SMG7: variants seen among roughly 807,000 people sequenced by gnomAD.
SMG7 encodes the protein nonsense-mediated mRNA decay factor SMG7.
SMG7 carries 34 observed loss-of-function variants against 148.2 expected under a neutral mutation model. That is an observed-to-expected ratio of 0.23 (90% confidence interval 0.17 to 0.31). The LOEUF (loss-of-function observed/expected upper bound fraction) is 0.31. Ranked by LOEUF, SMG7 falls within the 10% of genes least tolerant of loss-of-function variation. The pLI is 1.00. For synonymous variants in SMG7, 492 were observed against 515.1 expected, an observed-to-expected ratio of 0.96 and a Z score of 0.61; for missense variants, 1,114 against 1,408.4, an observed-to-expected ratio of 0.79 and a Z score of 3.35.
chr1:183,502,397 A>C, intron 1 of SMG7: 1 of 1,530,924 alleles, frequency 6.5e-7, no homozygotes, highest in Non-Finnish European at 8.7e-7. Context: ...ATTAGGTAGG[A>C]TGAAAATTAC....
rs78156767 is a variant in SMG7, at chr1:183,531,212, T to G, written c.843+1679T>G. Among the ~76,000 whole-genome samples, 583 of 152,244 alleles carry G rather than the reference T, an allele frequency of 3.8e-3. 2 individuals are homozygous for G. Among genetic ancestry groups the G allele is most frequent in the African/African-American group, 0.013 (551 of 41,568 alleles). ...TAATTAGTATCATCAACATGTATAC[T>G]TCAGTGTTTCTAACAACCTTTAGCT... On this transcript the variant is annotated intron_variant, in intron 8 of 22. Transcript: ENST00000688051.
intron 1 of SMG7, among the ~76,000 whole-genome samples, chr1:183,504,574 C>T (rs544612931): frequency 1.2e-4 from 18 of 152,054 alleles, no homozygotes; most frequent in Middle Eastern, 3.4e-3. Context: ...CCTGACCTCC[C>T]GTGATCTGCC....
chr1:183,545,428 AT>A, intron 16 of SMG7, 116 bp downstream of exon 16: 1 of 1,202,808 alleles, frequency 8.3e-7, no homozygotes. Context: ...ATTTATAGTG[AT>A]TATGGGAAAA....
At chr1:183,502,520 T>G (rs1191614749) in intron 1 of SMG7, 1 of 639,978 alleles carries the variant, frequency 1.6e-6, no homozygotes, top group Non-Finnish European at 2.4e-6. Context: ...AAGATCGGGA[T>G]GGGGCATGCT....
chr1:183,531,601 G>T (rs946807674), intron 8 of SMG7, among the ~76,000 whole-genome samples: 2 of 152,252 alleles, frequency 1.3e-5, no homozygotes, highest in Admixed American at 1.3e-4. Flanking sequence ...ACATGACAAA[G>T]TCTGGACCTT....
intron 8 of SMG7, among the ~76,000 whole-genome samples, chr1:183,530,105 A>G (rs1666595000): frequency 6.6e-6 from 1 of 152,210 alleles, no homozygotes; most frequent in African/African-American, 2.4e-5. Flanking sequence ...GAGAAAGTCA[A>G]AAGTATTAAC....
intron 12 of SMG7, among the ~76,000 whole-genome samples, chr1:183,540,255 A>G (rs551128467): frequency 3.3e-4 from 51 of 152,288 alleles, no homozygotes; most frequent in African/African-American, 1.2e-3. Flanking sequence ...AGAGCTTCTC[A>G]GAAGGAACTC....
chr1:183,539,248 A>G (rs1481753749), intron 12 of SMG7, among the ~76,000 whole-genome samples: 1 of 152,100 alleles, frequency 6.6e-6, no homozygotes, highest in African/African-American at 2.4e-5. Context: ...TGCCTTCTAG[A>G]TACCAAAATC....
chr1:183,546,704 G>A (rs561581565), intron 17 of SMG7, among the ~76,000 whole-genome samples: 2 of 152,324 alleles, frequency 1.3e-5, no homozygotes, highest in East Asian at 3.9e-4. Flanking sequence ...AGAGGAACAA[G>A]GTTAGCCAGT....
chr1:183,503,135 G>T (rs1314496309), intron 1 of SMG7, among the ~76,000 whole-genome samples: 1 of 152,214 alleles, frequency 6.6e-6, no homozygotes, highest in African/African-American at 2.4e-5. Flanking sequence ...ACCACTCTGT[G>T]CATCTATTCC....
intron 22 of SMG7, 78 bp from the exon 23 acceptor site, chr1:183,551,740 A>G: frequency 1.7e-6 from 2 of 1,162,462 alleles, no homozygotes; most frequent in Admixed American, 2.6e-5. Context: ...ATGCCTTTAT[A>G]TTTGGCTGGG....
At chr1:183,528,173 T>G (rs1239603789) in intron 6 of SMG7, 146 bp downstream of exon 6, 6 of 451,210 alleles carry the variant, frequency 1.3e-5, no homozygotes, top group Non-Finnish European at 1.9e-5. Context: ...AACTGTACAT[T>G]CCATGTAAAC....
chr1:183,472,923 T>G, intron 1 of SMG7: 84 of 325,002 alleles, frequency 2.6e-4, no homozygotes, highest in Middle Eastern at 8.6e-4. Context: ...CGCGCGCCCT[T>G]GGTCTCGGGT....
chr1:183,551,120 C>T lies in SMG7; in HGVS notation c.3380C>T (p.Pro1127Leu), dbSNP rs1389153416. The T allele has an allele frequency of 2.5e-6, 4 of 1,609,562 alleles. No homozygotes were observed. The highest frequency in any genetic ancestry group is 1.3e-5 in the African/African-American group (1 of 74,558). ...SESSWHQAST[P>L]SGTWTGHGPS... is the part of the protein sequence containing the mutation. ...AGCAGTTGGCATCAGGCCAGCACTC[C>T]GAGTGGCACCTGGACAGGCCATGGC... Residue 1127 changes from proline (P) to leucine (L), a missense_variant, in exon 22 of 23, where the codon CCG becomes CTG. Physicochemically the swap from Pro to Leu is moderately conservative, Grantham distance 98. Coordinates refer to ENST00000688051, the MANE Select transcript of SMG7 (RefSeq NM_001375584.1).
At chr1:183,544,261 AG>A in intron 14 of SMG7, 91 bp from the exon 15 acceptor site, 1 of 918,726 alleles carries the variant, frequency 1.1e-6, no homozygotes, top group Non-Finnish European at 1.7e-6. Context: ...TGATCTAATG[AG>A]GTTTTAAATA....
At chr1:183,485,346 A>C (rs1159693490) in intron 1 of SMG7, among the ~76,000 whole-genome samples, 1 of 152,226 alleles carries the variant, frequency 6.6e-6, no homozygotes, top group Non-Finnish European at 1.5e-5. Context: ...CATCAGTGTC[A>C]ACCTTCCTAA....
chr1:183,521,876 A>G (rs1032361566), intron 4 of SMG7, among the ~76,000 whole-genome samples: 34 of 145,008 alleles, frequency 2.3e-4, no homozygotes, highest in Non-Finnish European at 4.8e-4. Flanking sequence ...AAAAAAAAAG[A>G]AGGAGTTGCA....
intron 16 of SMG7, 65 bp from the exon 17 acceptor site, chr1:183,545,901 T>G: frequency 1.3e-6 from 2 of 1,504,448 alleles, no homozygotes; most frequent in Non-Finnish European, 1.8e-6. Context: ...CTGTGATTCT[T>G]TAGCATTCAT....
chr1:183,500,587 A>G (rs2102308032), intron 1 of SMG7, among the ~76,000 whole-genome samples: 1 of 152,276 alleles, frequency 6.6e-6, no homozygotes, highest in South Asian at 2.1e-4. Flanking sequence ...AGTGAAGGAA[A>G]TGTGTACACA....
Sources: allele counts gnomAD v4.1 joint callset (sites outside exome capture counted in the v4.1 genomes callset), GRCh38; gene constraint gnomAD v4.1.1; transcripts MANE v1.5; gene names NCBI Gene and HGNC (gene_info 2026-07-23, HGNC 2026-07-21).